FHIP1A: variants seen among roughly 807,000 people sequenced by gnomAD.
FHIP1A encodes FHF complex subunit HOOK interacting protein 1A.
Under a neutral mutation model 88.6 loss-of-function variants are expected in FHIP1A, and 61 were observed. The ratio of observed to expected loss-of-function variants is 0.69; its 90% CI spans 0.56 to 0.85. The LOEUF (loss-of-function observed/expected upper bound fraction) is 0.85, where lower values mean the gene tolerates loss of function less well. Ranked by LOEUF, FHIP1A falls within the 40% of genes least tolerant of loss-of-function variation. The probability of loss-of-function intolerance (pLI) is 0.00; values close to 1 mark genes in which losing one functional copy is unlikely to be tolerated. For synonymous variants in FHIP1A, 478 were observed against 496.0 expected (o/e 0.96, Z 0.48); for missense variants, 1,154 against 1,273.5 (o/e 0.91, Z 1.43).
intron 3 of FHIP1A, among the ~76,000 whole-genome samples, chr4:151,504,589 T>TATGTTATGTTATGTTATGTTATGTC (rs1560735592): frequency 7.5e-6 from 1 of 132,468 alleles, no homozygotes; most frequent in African/African-American, 2.8e-5. Context: ...TATGTTATGT[T>TATGTTATGTTATGTTATGTTATGTC]ATGTTATGTT....
chr4:151,558,176 A>G (rs2126758399), intron 3 of FHIP1A, among the ~76,000 whole-genome samples: 1 of 152,286 alleles, frequency 6.6e-6, no homozygotes, highest in South Asian at 2.1e-4. Flanking sequence ...TTCAGAATAA[A>G]TCTTAGTTGG....
Position 151,570,862 on chromosome 4 carries a change from C to T in FHIP1A, c.105+4498C>T, listed in dbSNP as rs145758144. On this transcript the variant is annotated intron_variant, in intron 4 of 13. Transcript: ENST00000435205. ...TTTAAAACATTGTATAATTTGTCAC[C>T]GGCAAGATCTTTGGACTTGGCATTA... is the stretch of plus-strand genomic sequence containing the variant. Among the ~76,000 whole-genome samples the T allele has an allele frequency of 3.5e-3, 526 of 152,292 alleles. 4 individuals are homozygous for T. Among genetic ancestry groups the T allele is most frequent in the Non-Finnish European group, 5.6e-3 (384 of 68,012 alleles).
chr4:151,481,661 T>C (rs1729900354), intron 2 of FHIP1A, among the ~76,000 whole-genome samples: 1 of 152,130 alleles, frequency 6.6e-6, no homozygotes, highest in Non-Finnish European at 1.5e-5. Context: ...TTCCATGTTT[T>C]AAATTTAAGT....
rs141387853 is a variant in FHIP1A, at chr4:151,666,938, G to A, written c.*4184G>A. ...GCCCTTAATTTTAAATGGTCCCGGC[G>A]TGGTGTTCAGTATCTGCATATGCCC... is the stretch of plus-strand genomic sequence containing the variant. On this transcript the variant is annotated 3_prime_UTR_variant, in exon 14 of 14. Transcript: ENST00000435205. 3.3e-5 allele frequency among the ~76,000 whole-genome samples: 5 copies of A among 152,316 alleles called. No homozygotes were observed. In the East Asian group the frequency reaches 5.8e-4, roughly 18 times the overall value.
At chr4:151,618,488 AT>A (rs1274803616) in intron 7 of FHIP1A, among the ~76,000 whole-genome samples, 3 of 152,206 alleles carry the variant, frequency 2.0e-5, no homozygotes, top group Non-Finnish European at 4.4e-5. Flanking sequence ...ATATTTGATT[AT>A]GTTTACAAGG....
chr4:151,633,014 G>A (rs1237242654), intron 8 of FHIP1A, among the ~76,000 whole-genome samples: 2 of 151,788 alleles, frequency 1.3e-5, no homozygotes, highest in Admixed American at 1.3e-4. Flanking sequence ...AAAAACCAAT[G>A]AAACCAAGAC....
At chr4:151,566,403 AC>A (rs1733390602) in intron 4 of FHIP1A, 39 bp downstream of exon 4, 1 of 1,193,874 alleles carries the variant, frequency 8.4e-7, no homozygotes. Flanking sequence ...GGTCTCAGTA[AC>A]CCCAGGGGCC....
chr4:151,428,954 T>A lies in FHIP1A; in HGVS notation c.-356+19489T>A, dbSNP rs115197084. The stretch of plus-strand genomic sequence containing the variant: ...AGTCTTTACCCTAGTTGGGTCTCAC[T>A]ATTATAGGCATTTACATCACTATGT... On this transcript the variant is annotated intron_variant, in intron 1 of 13. Transcript: ENST00000435205. 5.4e-3 allele frequency among the ~76,000 whole-genome samples: 817 copies of A among 152,344 alleles called. 7 individuals carry two copies. Among genetic ancestry groups the A allele is most frequent in the African/African-American group, 0.019 (796 of 41,588 alleles).
intron 3 of FHIP1A, among the ~76,000 whole-genome samples, chr4:151,514,232 A>G (rs1731143120): frequency 6.6e-6 from 1 of 152,200 alleles, no homozygotes; most frequent in African/African-American, 2.4e-5. Flanking sequence ...GAAGGCAGAA[A>G]TAAAGATGTT....
intron 2 of FHIP1A, among the ~76,000 whole-genome samples, chr4:151,464,634 G>T (rs1445913441): frequency 6.6e-6 from 1 of 152,172 alleles, no homozygotes; most frequent in African/African-American, 2.4e-5. Context: ...TTTGTCTGTA[G>T]TGTGTATTAC....
At chr4:151,547,017 T>C (rs1442665510) in intron 3 of FHIP1A, among the ~76,000 whole-genome samples, 1 of 152,146 alleles carries the variant, frequency 6.6e-6, no homozygotes, top group African/African-American at 2.4e-5. Context: ...GTTTGAAAAC[T>C]GCATGGCAGT....
intron 1 of FHIP1A, among the ~76,000 whole-genome samples, chr4:151,451,782 T>C (rs1442874746): frequency 1.3e-5 from 2 of 151,222 alleles, no homozygotes; most frequent in Non-Finnish European, 2.9e-5. Flanking sequence ...CAGTTGCATG[T>C]GTTTTTCTTT....
At chr4:151,651,250 T>C (rs1483327719) in intron 11 of FHIP1A, among the ~76,000 whole-genome samples, 1 of 152,162 alleles carries the variant, frequency 6.6e-6, no homozygotes, top group African/African-American at 2.4e-5. Flanking sequence ...GGTAGAAATC[T>C]TGCAAGAGGT....
intron 3 of FHIP1A, among the ~76,000 whole-genome samples, chr4:151,512,573 A>G (rs963493846): frequency 1.3e-5 from 2 of 152,238 alleles, no homozygotes; most frequent in Non-Finnish European, 2.9e-5. Flanking sequence ...AGACGACTGT[A>G]TAACTGGAAT....
intron 7 of FHIP1A, among the ~76,000 whole-genome samples, chr4:151,595,666 G>A (rs549285230): frequency 1.1e-4 from 16 of 152,240 alleles, no homozygotes; most frequent in South Asian, 6.2e-4. Context: ...GTCTAAGTCT[G>A]TTTGTAGGTG....
At chr4:151,593,136 A>C (rs2126815339) in intron 7 of FHIP1A, among the ~76,000 whole-genome samples, 1 of 152,254 alleles carries the variant, frequency 6.6e-6, no homozygotes, top group East Asian at 1.9e-4. Context: ...CTGTTTTGGT[A>C]CCAGTACCCT....
chr4:151,502,811 C>T (rs180785716), intron 3 of FHIP1A, among the ~76,000 whole-genome samples: 41 of 152,308 alleles, frequency 2.7e-4, no homozygotes, highest in Admixed American at 1.4e-3. Context: ...AAACACTCTA[C>T]TGGCTGCAGA....
chr4:151,603,259 G>T (rs980606318), intron 7 of FHIP1A, among the ~76,000 whole-genome samples: 12 of 151,574 alleles, frequency 7.9e-5, no homozygotes, highest in African/African-American at 2.9e-4. Flanking sequence ...GTTGCGGTGA[G>T]CCAAAATCGC....
In FHIP1A at chr4:151,528,269, T is replaced by G. The variant is rs76692318; in HGVS notation, c.-122-37869T>G. 3.6e-3 allele frequency among the ~76,000 whole-genome samples: 556 copies of G among 152,334 alleles called. 5 individuals carry two copies. The highest frequency in any genetic ancestry group is 9.9e-3 in the African/African-American group (411 of 41,578). On this transcript the variant is annotated intron_variant, in intron 3 of 13. Transcript: ENST00000435205. The stretch of plus-strand genomic sequence containing the variant: ...ACCCCTGTTTCACTCCCAGCTTTGA[T>G]TTATGCAGTAGTGCTCCTCTACTGC...
Sources: allele counts gnomAD v4.1 joint callset (sites outside exome capture counted in the v4.1 genomes callset), GRCh38; gene constraint gnomAD v4.1.1; transcripts MANE v1.5; gene names NCBI Gene and HGNC (gene_info 2026-07-23, HGNC 2026-07-21).